TBK1: variants seen among roughly 807,000 people sequenced by gnomAD.
TBK1 encodes serine/threonine-protein kinase TBK1.
Under a neutral mutation model 99.9 loss-of-function variants are expected in TBK1, and 37 were observed. The observed-to-expected ratio is 0.37, with a 90% CI of 0.28 to 0.49. The LOEUF (loss-of-function observed/expected upper bound fraction) is 0.49. Ranked by LOEUF, TBK1 falls within the 20% of genes least tolerant of loss-of-function variation. The pLI, the probability that TBK1 is intolerant of heterozygous loss-of-function variation, is 0.98. For synonymous variants in TBK1, 258 were observed against 279.8 expected (o/e 0.92, Z 0.78); for missense variants, 644 against 872.5 (o/e 0.74, Z 3.30).
At chr12:64,498,999 G>T (rs2040958635) in intron 20 of TBK1, among the ~76,000 whole-genome samples, 1 of 137,780 alleles carries the variant, frequency 7.3e-6, no homozygotes, top group Non-Finnish European at 1.6e-5. Flanking sequence ...CAGAGAGTAT[G>T]TCAATTTCAA....
At chr12:64,479,502 T>C (rs1413977922) in intron 6 of TBK1, among the ~76,000 whole-genome samples, 1 of 152,210 alleles carries the variant, frequency 6.6e-6, no homozygotes, top group Non-Finnish European at 1.5e-5. Flanking sequence ...ACAAATGTGC[T>C]TTTTCCAAAA....
At position 64,455,841 on chromosome 12, in the gene TBK1, A is replaced by G. The variant is rs367795624; in HGVS notation, c.-30A>G. 70 of 1,571,078 alleles carry G rather than the reference A, an allele frequency of 4.5e-5. No individual in the cohort carries two copies. Among genetic ancestry groups the G allele is most frequent in the Non-Finnish European group, 5.8e-5 (67 of 1,160,660 alleles). ...TTGCAAATTTTTTTTTTCTCTTAGT[A>G]TAACAAGAGGATTGCCTGATCCAGC... On this transcript the variant is annotated splice_region_variant and 5_prime_UTR_variant, in exon 2 of 21. Coordinates refer to ENST00000331710, the MANE Select transcript of TBK1 (RefSeq NM_013254.4).
At chr12:64,460,679 C>G (rs910402324) in intron 3 of TBK1, among the ~76,000 whole-genome samples, 5 of 151,526 alleles carry the variant, frequency 3.3e-5, no homozygotes, top group African/African-American at 1.2e-4. Context: ...ACTAAAAATA[C>G]AAAAATTAGC....
intron 6 of TBK1, among the ~76,000 whole-genome samples, chr12:64,476,268 C>G (rs2040712469): frequency 6.7e-6 from 1 of 149,718 alleles, no homozygotes; most frequent in African/African-American, 2.5e-5. Flanking sequence ...CGCTATTCTC[C>G]TGCCTCAGCC....
At chr12:64,474,185 A>G in intron 5 of TBK1, 45 bp from the exon 6 acceptor site, 2 of 1,546,588 alleles carry the variant, frequency 1.3e-6, no homozygotes, top group East Asian at 2.3e-5. Context: ...GTATAATGAA[A>G]TGGGTCACAG....
chr12:64,461,169 A>G (rs968826835), intron 3 of TBK1, among the ~76,000 whole-genome samples: 7 of 151,902 alleles, frequency 4.6e-5, no homozygotes, highest in Non-Finnish European at 5.9e-5. Context: ...GTTAAATCTA[A>G]TAATTATAAA....
intron 11 of TBK1, among the ~76,000 whole-genome samples, chr12:64,487,010 T>A (rs2040826888): frequency 6.6e-6 from 1 of 152,220 alleles, no homozygotes. Context: ...GCTAATTTTT[T>A]AAAACTAGAT....
intron 20 of TBK1, among the ~76,000 whole-genome samples, chr12:64,500,753 CTTTT>C (rs1009756107): frequency 1.0e-5 from 1 of 98,962 alleles, no homozygotes; most frequent in Non-Finnish European, 2.0e-5. Context: ...AACTCGGTAT[CTTTT>C]TTTTTTTTTT....
chr12:64,457,373 T>G (rs2040501180), intron 2 of TBK1, among the ~76,000 whole-genome samples: 1 of 152,206 alleles, frequency 6.6e-6, no homozygotes, highest in Admixed American at 6.5e-5. Flanking sequence ...CGATCAATCC[T>G]GGGTACTCCG....
At chr12:64,455,313 T>C (rs966132234) in intron 1 of TBK1, among the ~76,000 whole-genome samples, 13 of 152,140 alleles carry the variant, frequency 8.5e-5, no homozygotes, top group African/African-American at 3.1e-4. Context: ...TGTCATATTA[T>C]TGTATTTTAT....
At chr12:64,471,544 G>A (rs1371376943) in intron 5 of TBK1, among the ~76,000 whole-genome samples, 1 of 152,008 alleles carries the variant, frequency 6.6e-6, no homozygotes, top group Non-Finnish European at 1.5e-5. Flanking sequence ...GTAGAGATGA[G>A]GTTTCACCAT....
chr12:64,463,257 A>G (rs2040567743), intron 3 of TBK1, among the ~76,000 whole-genome samples: 1 of 152,176 alleles, frequency 6.6e-6, no homozygotes, highest in Admixed American at 6.5e-5. Context: ...CTGTAGTCCC[A>G]TCTATTCAGG....
chr12:64,494,398 T>G (rs896952786), intron 13 of TBK1, among the ~76,000 whole-genome samples: 5 of 152,106 alleles, frequency 3.3e-5, no homozygotes, highest in African/African-American at 1.2e-4. Context: ...GAGGATGGCT[T>G]GAACTCAGGA....
At chr12:64,465,783 T>A (rs1274116532) in intron 4 of TBK1, among the ~76,000 whole-genome samples, 4 of 152,150 alleles carry the variant, frequency 2.6e-5, no homozygotes, top group Non-Finnish European at 5.9e-5. Context: ...CAGGAGAAGA[T>A]GGAGTTGGGT....
chr12:64,452,919 C>T (rs189300254), intron 1 of TBK1: 1 of 152,294 alleles, frequency 6.6e-6, no homozygotes, highest in African/African-American at 2.4e-5. Flanking sequence ...CTCTGAAACC[C>T]CAGTGTATGA....
chr12:64,464,253 T>C (rs1333279059), intron 3 of TBK1, 81 bp from the exon 4 acceptor site: 6 of 1,188,542 alleles, frequency 5.0e-6, no homozygotes, highest in Non-Finnish European at 5.8e-6. Flanking sequence ...ATCCTACATT[T>C]AAATGAAATC....
intron 9 of TBK1, 22 bp downstream of exon 9, chr12:64,484,521 C>T (rs976287638): frequency 1.4e-5 from 22 of 1,586,680 alleles, no homozygotes; most frequent in Admixed American, 1.8e-5. Flanking sequence ...TTTTTCTTGT[C>T]GTTCTTACTA....
At position 64,458,294 on chromosome 12, in the gene TBK1, CATG is replaced by C. The variant is rs2040510613; in HGVS notation, c.88-1892_88-1890del. 9.2e-5 allele frequency among the ~76,000 whole-genome samples: 14 copies of C among 152,140 alleles called. No individual in the cohort carries two copies. In the South Asian group the frequency reaches 2.9e-3, roughly 32 times the overall value. ...CTTTAACTATTTAAAGGATTTTTAC[CATG>C]ATATTAGCCCTTTTATATTATTTCT... On this transcript the variant is annotated intron_variant, in intron 2 of 20. Transcript: ENST00000331710.
At chr12:64,467,494 A>G (rs2040618837) in intron 5 of TBK1, among the ~76,000 whole-genome samples, 1 of 152,172 alleles carries the variant, frequency 6.6e-6, no homozygotes. Flanking sequence ...CACACACACA[A>G]AATGCCCCTG....
Sources: gnomAD v4.1 joint callset for allele counts (sites outside exome capture counted in the v4.1 genomes callset) on GRCh38, gnomAD v4.1.1 for gene constraint, MANE v1.5 for transcripts, NCBI Gene and HGNC (gene_info 2026-07-23, HGNC 2026-07-21) for gene names.